Variants in CRYBG3 observed in about 807,000 individuals in gnomAD.
The protein encoded by CRYBG3 is very large A-kinase anchor protein.
In CRYBG3, 127 loss-of-function variants were observed where a neutral mutation model predicts 244.2. That is an observed-to-expected ratio of 0.52 (90% CI 0.45 to 0.60). CRYBG3 has a LOEUF of 0.60. CRYBG3 is among the 20% of genes least tolerant of loss of function. The pLI is 0.00. For missense variants in CRYBG3, 3,325 were observed against 3,442.5 expected (o/e 0.97, Z 0.85); for synonymous variants, 1,132 against 1,195.8 (o/e 0.95, Z 1.10).
chr3:97,890,343 A>G (rs1239288015), intron 10 of CRYBG3, among the ~76,000 whole-genome samples: 1 of 152,198 alleles, frequency 6.6e-6, no homozygotes, highest in African/African-American at 2.4e-5. Flanking sequence ...AAGATGTACA[A>G]TTAGCTGTGA....
chr3:97,857,673 C>T (rs540165797), intron 2 of CRYBG3, among the ~76,000 whole-genome samples: 1 of 151,918 alleles, frequency 6.6e-6, no homozygotes, highest in Admixed American at 6.6e-5. Flanking sequence ...TATGGAATGT[C>T]TTTTTCCATC....
At chr3:97,849,253 G>A (rs2038949385) in intron 2 of CRYBG3, among the ~76,000 whole-genome samples, 1 of 152,140 alleles carries the variant, frequency 6.6e-6, no homozygotes, top group Non-Finnish European at 1.5e-5. Flanking sequence ...ATAAAGTCTG[G>A]CTAAAACTTA....
chr3:97,854,863 G>A (rs900196290), intron 2 of CRYBG3, among the ~76,000 whole-genome samples: 1 of 151,934 alleles, frequency 6.6e-6, no homozygotes, highest in East Asian at 1.9e-4. Flanking sequence ...TTGTTTGATT[G>A]CTCTGGCTAG....
chr3:97,925,240 G>A (rs2040027219), intron 17 of CRYBG3, among the ~76,000 whole-genome samples: 1 of 152,064 alleles, frequency 6.6e-6, no homozygotes, highest in Non-Finnish European at 1.5e-5. Context: ...AAATGGCTCA[G>A]GACATCCAAA....
intron 18 of CRYBG3, among the ~76,000 whole-genome samples, chr3:97,935,927 T>A (rs1348685781): frequency 6.6e-6 from 1 of 152,116 alleles, no homozygotes; most frequent in African/African-American, 2.4e-5. Context: ...CTGCACACAC[T>A]TTCTTAAAGC....
chr3:97,877,950 A>G lies in CRYBG3; in HGVS notation c.6756A>G (p.Gly2252=). The G allele has an allele frequency of 6.2e-7, 1 of 1,614,132 alleles. No homozygotes were observed. The highest frequency in any genetic ancestry group is 1.1e-5 in the South Asian group (1 of 91,080). The part of the protein sequence containing the change: ...QTSQSHSSEK[G]ARFGGIFQEP... Reference sequence around the variant, plus strand: ...CCCAAAGTCATTCCTCAGAAAAAGGAGCCAGATTTGGTGGAATTTTTCAGG... The same window carrying G: ...CCCAAAGTCATTCCTCAGAAAAAGGGGCCAGATTTGGTGGAATTTTTCAGG... Residue 2252 remains glycine (G), a synonymous_variant, in exon 4 of 22, where the codon GGA becomes GGG. Transcript: ENST00000389622.
At chr3:97,911,223 C>A (rs779242363) in intron 15 of CRYBG3, among the ~76,000 whole-genome samples, 3 of 152,164 alleles carry the variant, frequency 2.0e-5, no homozygotes, top group Admixed American at 1.3e-4. Flanking sequence ...GCCTTATCCT[C>A]GATGACAGCA....
At chr3:97,940,539 A>G (rs960802116) in intron 19 of CRYBG3, among the ~76,000 whole-genome samples, 13 of 152,038 alleles carry the variant, frequency 8.6e-5, no homozygotes, top group African/African-American at 3.1e-4. Context: ...TTTTGTATGT[A>G]TCTTAAAACT....
intron 3 of CRYBG3, among the ~76,000 whole-genome samples, chr3:97,865,187 T>G (rs1355421592): frequency 1.3e-5 from 2 of 152,194 alleles, no homozygotes; most frequent in Non-Finnish European, 2.9e-5. Flanking sequence ...TTGTTTTTCC[T>G]TTTACTCTCA....
At chr3:97,844,093 A>G (rs981439008) in intron 2 of CRYBG3, among the ~76,000 whole-genome samples, 6 of 152,210 alleles carry the variant, frequency 3.9e-5, no homozygotes, top group Admixed American at 6.5e-5. Flanking sequence ...TTTAAAAACT[A>G]TATAATGCCC....
chr3:97,842,931 A>G (rs1264030907), intron 1 of CRYBG3, among the ~76,000 whole-genome samples: 1 of 152,214 alleles, frequency 6.6e-6, no homozygotes, highest in Non-Finnish European at 1.5e-5. Flanking sequence ...TTGTTCAGAT[A>G]TATCATTACT....
In CRYBG3 at chr3:97,873,036, A is replaced by G; in HGVS notation, c.1842A>G (p.Glu614=). The change falls in exon 4 of 22, where the codon GAA becomes GAG. Residue 614 remains glutamate, a synonymous_variant. Transcript: ENST00000389622. ...AAAATGCACCTGAGTTGAAATTTGA[A>G]CTTAATAGAAGTCACATTTCAGAAA... The part of the protein sequence containing the change: ...GNENAPELKF[E]LNRSHISETP... 6.5e-7 allele frequency: 1 copy of G among 1,535,464 alleles called. No individual in the cohort carries two copies. The highest frequency in any genetic ancestry group is 8.7e-7 in the Non-Finnish European group (1 of 1,146,668).
At chr3:97,846,473 G>A (rs999749528) in intron 2 of CRYBG3, among the ~76,000 whole-genome samples, 8 of 152,142 alleles carry the variant, frequency 5.3e-5, no homozygotes, top group African/African-American at 1.9e-4. Context: ...ACATTTCCCT[G>A]TGGATGTTCC....
chr3:97,931,694 ATG>A (rs1232516124), intron 17 of CRYBG3, among the ~76,000 whole-genome samples: 28 of 152,086 alleles, frequency 1.8e-4, no homozygotes, highest in African/African-American at 6.8e-4. Context: ...TTATACCAGC[ATG>A]TCCCAAGCCA....
intron 10 of CRYBG3, among the ~76,000 whole-genome samples, chr3:97,892,224 G>A (rs1224495341): frequency 6.6e-6 from 1 of 152,160 alleles, no homozygotes; most frequent in African/African-American, 2.4e-5. Flanking sequence ...AGAATGAAAT[G>A]TTTGCTCAAC....
Position 97,839,145 on chromosome 3 carries a change from A to C in CRYBG3, c.150-4050A>C, listed in dbSNP as rs562196418. Among the ~76,000 whole-genome samples, 3 of 152,208 alleles carry C rather than the reference A, an allele frequency of 2.0e-5. No homozygotes were observed. In the South Asian group the frequency reaches 6.2e-4, roughly 32 times the overall value. ...ATGTGTGCTTTCTAAAAATATTCCT[A>C]ATTGAAATACCCTGGGTCCCAAAGG... On this transcript the variant is annotated intron_variant, in intron 1 of 21. Coordinates refer to ENST00000389622, the MANE Select transcript of CRYBG3 (RefSeq NM_153605.4).
At position 97,875,788 on chromosome 3, in the gene CRYBG3, A is replaced by G; in HGVS notation, c.4594A>G (p.Ile1532Val). ...VGKVHKKDNE[I>V]NIGKIELIPS... ...GAAAGTACACAAGAAGGATAATGAA[A>G]TAAATATAGGGAAAATTGAACTTAT... is the stretch of plus-strand genomic sequence containing the variant. Residue 1532 changes from isoleucine to valine, a missense_variant, in exon 4 of 22, where the codon ATA (isoleucine) becomes GTA (valine). Coordinates refer to ENST00000389622, the MANE Select transcript of CRYBG3 (RefSeq NM_153605.4). 1 of 1,231,754 alleles carries G rather than the reference A, an allele frequency of 8.1e-7. No individual in the cohort carries two copies. Among genetic ancestry groups the G allele is most frequent in the East Asian group, 3.2e-5 (1 of 31,668 alleles). 76.3% of individuals were successfully genotyped at this position (1,231,754 alleles called of 1,614,324 possible).
chr3:97,851,250 T>G (rs1383224786), intron 2 of CRYBG3, among the ~76,000 whole-genome samples: 1 of 152,352 alleles, frequency 6.6e-6, no homozygotes, highest in Non-Finnish European at 1.5e-5. Flanking sequence ...TGGTGGAATT[T>G]CAACTTTTGG....
intron 14 of CRYBG3, 69 bp from the exon 15 acceptor site, chr3:97,900,384 A>G: frequency 2.8e-6 from 3 of 1,074,636 alleles, no homozygotes; most frequent in South Asian, 2.8e-5. Flanking sequence ...TTCAAAGGGT[A>G]TTTTCAAAAC....
Sources: gnomAD v4.1 joint callset for allele counts (sites outside exome capture counted in the v4.1 genomes callset) on GRCh38, gnomAD v4.1.1 for gene constraint, MANE v1.5 for transcripts, NCBI Gene and HGNC (gene_info 2026-07-23, HGNC 2026-07-21) for gene names.